Variants in EXT1 observed in about 807,000 individuals in gnomAD.
The protein encoded by EXT1 is exostosin glycosyltransferase 1.
EXT1 carries 20 observed loss-of-function variants against 82.5 expected under a neutral mutation model. The observed-to-expected ratio is 0.24, with a 90% CI of 0.17 to 0.35. The LOEUF is 0.35. Among genes scored for constraint, EXT1 ranks in the 10% least tolerant of loss-of-function variants. EXT1 has a pLI of 1.00. For synonymous variants in EXT1, 348 were observed against 350.8 expected, an observed-to-expected ratio of 0.99 and a Z score of 0.09; for missense variants, 757 against 936.5, an observed-to-expected ratio of 0.81 and a Z score of 2.50.
intron 1 of EXT1, among the ~76,000 whole-genome samples, chr8:117,983,760 T>C (rs1180572694): frequency 6.6e-6 from 1 of 152,244 alleles, no homozygotes; most frequent in Non-Finnish European, 1.5e-5. Context: ...AATAGATATG[T>C]CATTGTTTCT....
At chr8:118,073,705 A>AAGCGAAGCGAAGAGAAGAGG (rs1817150273) in intron 1 of EXT1, among the ~76,000 whole-genome samples, 21 of 102,760 alleles carry the variant, frequency 2.0e-4, no homozygotes, top group Middle Eastern at 5.8e-3. Context: ...AAGAGAAGAG[A>AAGCGAAGCGAAGAGAAGAGG]AGCCTCTTAA....
In EXT1 at chr8:118,110,343, G is replaced by A; in HGVS notation, c.704C>T (p.Pro235Leu). The A allele has an allele frequency of 6.2e-7, 1 of 1,614,178 alleles. No homozygotes were observed. Among genetic ancestry groups the A allele is most frequent in the Non-Finnish European group, 8.5e-7 (1 of 1,180,042 alleles). Residue 235 changes from proline to leucine, a missense_variant, in exon 1 of 11, where the codon CCC becomes CTC. Physicochemically the swap from Pro to Leu is moderately conservative, Grantham distance 98. Around this residue, in one of 4 missense-constraint regions of EXT1, gnomAD observed 247 missense variants for 330.1 expected, o/e 0.75. Coordinates refer to ENST00000378204, the MANE Select transcript of EXT1 (RefSeq NM_000127.3). Reference protein sequence around the residue: ...NFRPNFDVSIPLFSKDHPRTG... With the variant: ...NFRPNFDVSILLFSKDHPRTG... Reference sequence around the variant, plus strand: ...CCTGGGATGATCCTTAGAAAAGAGGGGAATAGAAACATCAAAGTTGGGTCG... The same window carrying A: ...CCTGGGATGATCCTTAGAAAAGAGGAGAATAGAAACATCAAAGTTGGGTCG...
In EXT1 at chr8:118,024,954, C is replaced by T. The variant is rs1229709028; in HGVS notation, c.962+85131G>A. 2.0e-5 allele frequency among the ~76,000 whole-genome samples: 3 copies of T among 152,144 alleles called. No homozygotes were observed. The South Asian group carries it at 6.2e-4, about 31-fold the overall frequency. On this transcript the variant is annotated intron_variant, in intron 1 of 10. Transcript: ENST00000378204. The stretch of plus-strand genomic sequence containing the variant: ...TGATTTCAAACTATATCTTGATATT[C>T]GCATGTCTGTGTTTATATGTGTGTT...
chr8:118,039,484 C>T (rs942360845), intron 1 of EXT1, among the ~76,000 whole-genome samples: 7 of 148,374 alleles, frequency 4.7e-5, no homozygotes, highest in Admixed American at 2.1e-4. Flanking sequence ...CGCTTGAACC[C>T]GGGAGGCGGA....
At chr8:117,824,447 C>T (rs974143996) in intron 4 of EXT1, among the ~76,000 whole-genome samples, 6 of 152,190 alleles carry the variant, frequency 3.9e-5, no homozygotes, top group Admixed American at 3.9e-4. Context: ...AGACATAGGA[C>T]AGGTACGAAA....
intron 1 of EXT1, among the ~76,000 whole-genome samples, chr8:117,867,496 C>A (rs1427015012): frequency 1.3e-5 from 2 of 152,094 alleles, no homozygotes; most frequent in Non-Finnish European, 2.9e-5. Flanking sequence ...GCTACCTGCC[C>A]ATTATGAATT....
chr8:117,923,016 A>AAAGTTATTTAAC (rs1554586363), intron 1 of EXT1, among the ~76,000 whole-genome samples: 4 of 151,650 alleles, frequency 2.6e-5, no homozygotes, highest in African/African-American at 4.8e-5. Context: ...TGATTTAGCA[A>AAAGTTATTTAAC]AAGTCATTTA....
intron 1 of EXT1, among the ~76,000 whole-genome samples, chr8:117,984,871 C>T (rs1379968702): frequency 6.6e-6 from 1 of 152,114 alleles, no homozygotes. Flanking sequence ...GTTTCCACCA[C>T]CTCAAAAATG....
At chr8:117,967,241 T>C (rs1192453487) in intron 1 of EXT1, among the ~76,000 whole-genome samples, 1 of 152,226 alleles carries the variant, frequency 6.6e-6, no homozygotes, top group Non-Finnish European at 1.5e-5. Flanking sequence ...GGTGAGCATT[T>C]TGAAATCAGT....
chr8:118,074,088 G>C (rs1171328963), intron 1 of EXT1, among the ~76,000 whole-genome samples: 6 of 151,814 alleles, frequency 4.0e-5, no homozygotes, highest in Non-Finnish European at 7.4e-5. Context: ...TGGGGGTGGG[G>C]TGGGAGTGGG....
At chr8:118,050,842 AAAG>A (rs779931168) in intron 1 of EXT1, among the ~76,000 whole-genome samples, 6 of 152,194 alleles carry the variant, frequency 3.9e-5, no homozygotes, top group Admixed American at 2.6e-4. Context: ...GGAGGGAACT[AAAG>A]AAGAAGAAAG....
intron 1 of EXT1, among the ~76,000 whole-genome samples, chr8:117,987,667 C>T (rs188499859): frequency 2.6e-5 from 4 of 152,216 alleles, no homozygotes; most frequent in Non-Finnish European, 5.9e-5. Flanking sequence ...TAAGTTGCTA[C>T]CTCTTAACAT....
intron 2 of EXT1, among the ~76,000 whole-genome samples, chr8:117,836,264 A>G (rs1812187164): frequency 6.6e-6 from 1 of 152,342 alleles, no homozygotes; most frequent in African/African-American, 2.4e-5. Context: ...CTACAAGAAC[A>G]TTAGTGATGG....
At chr8:117,947,348 G>A (rs1814409961) in intron 1 of EXT1, among the ~76,000 whole-genome samples, 1 of 152,102 alleles carries the variant, frequency 6.6e-6, no homozygotes, top group Non-Finnish European at 1.5e-5. Context: ...TTGAGGTAAT[G>A]TTTACATGAA....
At chr8:117,840,807 A>C (rs1353458056) in intron 1 of EXT1, among the ~76,000 whole-genome samples, 2 of 152,196 alleles carry the variant, frequency 1.3e-5, no homozygotes, top group Admixed American at 1.3e-4. Flanking sequence ...AACACATGAA[A>C]ATATATTCAA....
chr8:118,067,029 A>G (rs1430526217), intron 1 of EXT1, among the ~76,000 whole-genome samples: 1 of 152,242 alleles, frequency 6.6e-6, no homozygotes, highest in African/African-American at 2.4e-5. Context: ...TCTCTGGTAG[A>G]TTGTTTGTAA....
At chr8:117,957,569 G>C (rs1157898381) in intron 1 of EXT1, among the ~76,000 whole-genome samples, 1 of 152,166 alleles carries the variant, frequency 6.6e-6, no homozygotes, top group Non-Finnish European at 1.5e-5. Context: ...TTCACTCACT[G>C]GACCTCCGTT....
intron 1 of EXT1, among the ~76,000 whole-genome samples, chr8:118,056,675 T>C (rs967959703): frequency 2.0e-5 from 3 of 152,192 alleles, no homozygotes; most frequent in Middle Eastern, 3.2e-3. Context: ...AGCCTAGTGC[T>C]GGGGGGTCCT....
At chr8:117,888,810 A>G (rs967305977) in intron 1 of EXT1, among the ~76,000 whole-genome samples, 2 of 152,146 alleles carry the variant, frequency 1.3e-5, no homozygotes, top group Non-Finnish European at 1.5e-5. Flanking sequence ...CTGCTAATAC[A>G]TGTTGTCATT....
Sources: gnomAD v4.1 joint callset for allele counts (sites outside exome capture counted in the v4.1 genomes callset) on GRCh38, gnomAD v4.1.1 for gene constraint, gnomAD v4.1.1 regional missense constraint, MANE v1.5 for transcripts, NCBI Gene and HGNC (gene_info 2026-07-23, HGNC 2026-07-21) for gene names.